The following DYSF variants were observed in gnomAD, a reference collection of about 807,000 sequenced individuals.
DYSF encodes the protein dystrophy-associated fer-1-like 1.
Under a neutral mutation model 274.9 loss-of-function variants are expected in DYSF, and 212 were observed. That is an observed-to-expected ratio of 0.77 (90% CI 0.69 to 0.86). The LOEUF is 0.86. Ranked by LOEUF, DYSF falls within the 40% of genes least tolerant of loss-of-function variation. DYSF has a pLI of 0.00. For synonymous variants in DYSF, 1,091 were observed against 1,078.7 expected, an observed-to-expected ratio of 1.01 and a Z score of -0.22; for missense variants, 2,666 against 2,783.2, an observed-to-expected ratio of 0.96 and a Z score of 0.95.
intron 3 of DYSF, among the ~76,000 whole-genome samples, chr2:71,502,079 C>CTGTG (rs71402986): frequency 0.06 from 8,685 of 143,770 alleles, 311 homozygotes; most frequent in Non-Finnish European, 0.069. Context: ...CTCCATGACT[C>CTGTG]TGTGTGTGTG....
chr2:71,674,362 T>C, intron 52 of DYSF, 66 bp downstream of exon 52: 1 of 1,488,486 alleles, frequency 6.7e-7, no homozygotes. Context: ...ACTGTGTGTT[T>C]ATGCCACTGT....
Position 71,568,207 on chromosome 2 carries a change from C to A in DYSF, c.2733C>A (p.Asn911Lys). The A allele has an allele frequency of 6.2e-7, 1 of 1,614,250 alleles. No individual in the cohort carries two copies. The highest frequency in any genetic ancestry group is 8.5e-7 in the Non-Finnish European group (1 of 1,180,046). ...ENETKLALVG[N>K]WGTTGLTYPK... The stretch of plus-strand genomic sequence containing the variant: ...AGACTAAGTTGGCCCTTGTTGGGAA[C>A]TGGGGCACAACGGGCCTCACCTACC... Residue 911 changes from asparagine (N) to lysine (K), a missense_variant, in exon 26 of 56, where the codon AAC becomes AAA. Transcript: ENST00000410020.
chr2:71,554,623 G>A (rs1040882019), intron 21 of DYSF, among the ~76,000 whole-genome samples: 2 of 152,180 alleles, frequency 1.3e-5, no homozygotes, highest in Non-Finnish European at 2.9e-5. Context: ...GGGGGAAATT[G>A]CAGGACTTGA....
chr2:71,608,145 G>C (rs1178757553), intron 36 of DYSF, among the ~76,000 whole-genome samples: 1 of 152,070 alleles, frequency 6.6e-6, no homozygotes, highest in African/African-American at 2.4e-5. Context: ...CCGGGGAGGG[G>C]TGCTGAGGGC....
At chr2:71,672,094 GAGA>G (rs1049837798) in intron 51 of DYSF, among the ~76,000 whole-genome samples, 89 of 150,828 alleles carry the variant, frequency 5.9e-4, no homozygotes, top group African/African-American at 2.1e-3. Context: ...AGGAGGGGCG[GAGA>G]AGGTCAGAAG....
chr2:71,498,306 C>T (rs1308065223), intron 3 of DYSF, among the ~76,000 whole-genome samples: 4 of 152,120 alleles, frequency 2.6e-5, no homozygotes, highest in East Asian at 1.9e-4. Flanking sequence ...CAGCTGTTAG[C>T]GAGATCTGGC....
intron 12 of DYSF, among the ~76,000 whole-genome samples, chr2:71,523,694 G>T (rs10203652): frequency 0.47 from 70,711 of 151,204 alleles, 17,281 homozygotes; most frequent in Non-Finnish European, 0.53. Flanking sequence ...TTACAAGCGT[G>T]CGCCACCATA....
intron 44 of DYSF, 53 bp from the exon 45 acceptor site, chr2:71,660,507 C>T: frequency 6.6e-7 from 1 of 1,517,154 alleles, no homozygotes; most frequent in African/African-American, 1.4e-5. Flanking sequence ...CATGAAGCCT[C>T]AAAGACAGGT....
At chr2:71,603,932 G>T (rs1475238048) in intron 36 of DYSF, among the ~76,000 whole-genome samples, 1 of 152,214 alleles carries the variant, frequency 6.6e-6, no homozygotes, top group East Asian at 1.9e-4. Flanking sequence ...CAGGGATCTG[G>T]CTGCAGTCTC....
intron 14 of DYSF, among the ~76,000 whole-genome samples, chr2:71,529,268 C>T (rs2088363420): frequency 6.6e-6 from 1 of 152,142 alleles, no homozygotes; most frequent in Non-Finnish European, 1.5e-5. Context: ...TAAACTTGTC[C>T]CCAGGGCCCA....
chr2:71,596,925 G>C, intron 32 of DYSF, among the ~76,000 whole-genome samples: 1 of 152,154 alleles, frequency 6.6e-6, no homozygotes, highest in East Asian at 1.9e-4. Context: ...TTGGGCAACA[G>C]GTACAACCTT....
At chr2:71,508,936 T>C (rs1192984634) in intron 4 of DYSF, among the ~76,000 whole-genome samples, 2 of 152,342 alleles carry the variant, frequency 1.3e-5, no homozygotes, top group South Asian at 2.1e-4. Flanking sequence ...CACTGCAGCC[T>C]CCGCCTCCCG....
chr2:71,570,914 C>A (rs2092382200), intron 29 of DYSF, 173 bp downstream of exon 29: 3 of 906,294 alleles, frequency 3.3e-6, no homozygotes, highest in Non-Finnish European at 4.9e-6. Context: ...AAAGATCACA[C>A]CCAGCATACA....
intron 6 of DYSF, 53 bp from the exon 7 acceptor site, chr2:71,513,663 G>A (rs1197389340): frequency 1.9e-6 from 3 of 1,595,722 alleles, no homozygotes; most frequent in Non-Finnish European, 2.6e-6. Flanking sequence ...CAGGGGCAGG[G>A]GCAGGGGCAG....
chr2:71,496,286 A>T (rs2084382413), intron 3 of DYSF, among the ~76,000 whole-genome samples: 1 of 152,118 alleles, frequency 6.6e-6, no homozygotes, highest in African/African-American at 2.4e-5. Context: ...TGAGCCCAGG[A>T]GTTTGAGACC....
chr2:71,649,692 A>G (rs960623788), intron 42 of DYSF, among the ~76,000 whole-genome samples: 67 of 152,344 alleles, frequency 4.4e-4, no homozygotes, highest in African/African-American at 1.6e-3. Context: ...TTAAAAAAAA[A>G]GAACCTATGA....
chr2:71,669,714 C>T lies in DYSF; in HGVS notation c.5752C>T (p.Pro1918Ser). The change falls in exon 51 of 56, where the codon CCA becomes TCA. Residue 1918 changes from proline (P) to serine (S), a missense_variant. By Grantham distance (74) the Pro-to-Ser change is moderately conservative. Coordinates refer to ENST00000410020, the MANE Select transcript of DYSF (RefSeq NM_001130987.2). ...WRFIFPFDYL[P>S]AEQVCTIAKK... ...GTTCATTTTCCCCTTCGACTACCTGCCAGCTGAGCAAGTCTGTACCATTGC... is the reference window on the plus strand; with the variant it reads ...GTTCATTTTCCCCTTCGACTACCTGTCAGCTGAGCAAGTCTGTACCATTGC... The T allele has an allele frequency of 6.2e-7, 1 of 1,614,228 alleles. No homozygotes were observed. The highest frequency in any genetic ancestry group is 8.5e-7 in the Non-Finnish European group (1 of 1,180,042).
chr2:71,515,631 C>T lies in DYSF; in HGVS notation c.768C>T (p.Val256=). 6.2e-7 allele frequency: 1 copy of T among 1,613,948 alleles called. No individual in the cohort carries two copies. Among genetic ancestry groups the T allele is most frequent in the Non-Finnish European group, 8.5e-7 (1 of 1,179,908 alleles). ...CTCCTTCTGGCTTTCAGATCAGGGT[C>T]CAGGTGATCGAGGGGCGCCAGCTGC... The part of the protein sequence containing the change: ...SDKPQDFQIR[V]QVIEGRQLPG... Residue 256 remains valine (V), a synonymous_variant, in exon 8 of 56, where the codon GTC becomes GTT. Coordinates refer to ENST00000410020, the MANE Select transcript of DYSF (RefSeq NM_001130987.2).
intron 31 of DYSF, among the ~76,000 whole-genome samples, chr2:71,589,992 C>A (rs894698232): frequency 6.6e-6 from 1 of 152,186 alleles, no homozygotes; most frequent in African/African-American, 2.4e-5. Flanking sequence ...TCTCTTCTCC[C>A]CAGCCCTAGG....
Sources: gnomAD v4.1 joint callset for allele counts (sites outside exome capture counted in the v4.1 genomes callset) on GRCh38, gnomAD v4.1.1 for gene constraint, MANE v1.5 for transcripts, NCBI Gene and HGNC (gene_info 2026-07-23, HGNC 2026-07-21) for gene names.